Variants in LGSN observed in about 807,000 individuals in gnomAD.
The protein encoded by LGSN is lengsin, lens protein with glutamine synthetase domain.
Under a neutral mutation model 19.5 loss-of-function variants are expected in LGSN, and 21 were observed. That is an observed-to-expected ratio of 1.07 (90% confidence interval 0.76 to 1.55). The LOEUF is 1.55. LGSN is among the 40% of genes most tolerant of loss of function. The pLI, the probability that LGSN is intolerant of heterozygous loss-of-function variation, is 0.00. For missense variants in LGSN, 673 were observed against 608.5 expected (o/e 1.11, Z -1.12); for synonymous variants, 257 against 215.6 (o/e 1.19, Z -1.68).
At chr6:63,484,938 A>C in the LGSN span, among the ~76,000 whole-genome samples, 3 of 152,202 alleles carry the variant, frequency 2.0e-5, no homozygotes, top group African/African-American at 4.8e-5. Flanking sequence ...CTTTCTCCCC[A>C]GTGAAACCTG....
At chr6:63,294,450 C>A (rs1032100141) in intron 2 of LGSN, among the ~76,000 whole-genome samples, 1 of 152,200 alleles carries the variant, frequency 6.6e-6, no homozygotes, top group Admixed American at 6.5e-5. Context: ...CCTTAGGACA[C>A]AATGATTCCT....
chr6:63,349,239 T>C, the LGSN span, among the ~76,000 whole-genome samples: 2 of 152,228 alleles, frequency 1.3e-5, no homozygotes, highest in African/African-American at 4.8e-5. Flanking sequence ...ATCAGAACTG[T>C]GCTTTGGAAT....
At chr6:63,298,883 G>A (rs899116118) in intron 1 of LGSN, among the ~76,000 whole-genome samples, 1 of 152,108 alleles carries the variant, frequency 6.6e-6, no homozygotes, top group Non-Finnish European at 1.5e-5. Context: ...TCTTTTAAAA[G>A]CCTTTCAAAA....
the LGSN span, among the ~76,000 whole-genome samples, chr6:63,340,935 A>G: frequency 6.6e-6 from 1 of 152,012 alleles, no homozygotes; most frequent in African/African-American, 2.4e-5. Flanking sequence ...TGGTTTTTAT[A>G]GCGAAAGACT....
At chr6:63,501,443 A>G in the LGSN span, among the ~76,000 whole-genome samples, 1 of 152,246 alleles carries the variant, frequency 6.6e-6, no homozygotes, top group East Asian at 1.9e-4. Flanking sequence ...AGTGATGCAT[A>G]GAGCTATGGC....
At chr6:63,445,659 G>A in the LGSN span, among the ~76,000 whole-genome samples, 1 of 152,076 alleles carries the variant, frequency 6.6e-6, no homozygotes, top group Admixed American at 6.6e-5. Context: ...CTCATGCCTT[G>A]TATAAGAATT....
the LGSN span, among the ~76,000 whole-genome samples, chr6:63,362,426 C>T: frequency 3.9e-5 from 6 of 152,172 alleles, no homozygotes; most frequent in Non-Finnish European, 7.4e-5. Context: ...TGCAAGGGGT[C>T]GGGGAATTCC....
the LGSN span, among the ~76,000 whole-genome samples, chr6:63,489,699 CTTAT>C: frequency 6.6e-6 from 1 of 151,354 alleles, no homozygotes; most frequent in Non-Finnish European, 1.5e-5. Flanking sequence ...TATTTATTTA[CTTAT>C]TTATTTATTT....
the LGSN span, among the ~76,000 whole-genome samples, chr6:63,327,098 G>A: frequency 6.6e-6 from 1 of 152,194 alleles, no homozygotes; most frequent in Non-Finnish European, 1.5e-5. Flanking sequence ...GCTGGATAGG[G>A]GTGAAGAAGG....
the LGSN span, among the ~76,000 whole-genome samples, chr6:63,336,519 CTGTGTGTGTGTGTGTG>C: frequency 2.3e-4 from 30 of 132,106 alleles, 1 homozygote; most frequent in African/African-American, 5.7e-4. Flanking sequence ...TATAGAATAT[CTGTGTGTGTGTGTGTG>C]TGTGTGTGTG....
At chr6:63,513,428 T>A in the LGSN span, among the ~76,000 whole-genome samples, 1 of 151,776 alleles carries the variant, frequency 6.6e-6, no homozygotes, top group Non-Finnish European at 1.5e-5. Context: ...TTTTTTTTTT[T>A]ATAAGGGGAG....
the LGSN span, among the ~76,000 whole-genome samples, chr6:63,462,590 G>A: frequency 1.8e-4 from 27 of 152,272 alleles, no homozygotes; most frequent in African/African-American, 6.0e-4. Context: ...AGCTGAGATC[G>A]CACCACTGCA....
the LGSN span, among the ~76,000 whole-genome samples, chr6:63,408,053 T>C: frequency 2.4e-4 from 37 of 152,302 alleles, no homozygotes; most frequent in Non-Finnish European, 5.9e-5. Context: ...TGGAAGAACA[T>C]TCCATGCTCA....
chr6:63,291,106 C>T (rs1767748718), intron 2 of LGSN, among the ~76,000 whole-genome samples: 1 of 152,180 alleles, frequency 6.6e-6, no homozygotes, highest in Admixed American at 6.5e-5. Context: ...AGGGACATGA[C>T]TCATTTACTC....
chr6:63,402,982 C>G, the LGSN span, among the ~76,000 whole-genome samples: 1 of 152,100 alleles, frequency 6.6e-6, no homozygotes, highest in African/African-American at 2.4e-5. Flanking sequence ...TTTCCTGGCT[C>G]CCCAGCCTGC....
At chr6:63,512,518 G>A in the LGSN span, among the ~76,000 whole-genome samples, 1 of 152,098 alleles carries the variant, frequency 6.6e-6, no homozygotes, top group African/African-American at 2.4e-5. Context: ...TATTTAATGG[G>A]GAATATTTTT....
At chr6:63,542,354 A>G in the LGSN span, among the ~76,000 whole-genome samples, 1 of 151,956 alleles carries the variant, frequency 6.6e-6, no homozygotes, top group African/African-American at 2.4e-5. Context: ...GTGCACCAAA[A>G]TCTCACAAAT....
chr6:63,363,800 C>G, the LGSN span, among the ~76,000 whole-genome samples: 3 of 152,110 alleles, frequency 2.0e-5, no homozygotes, highest in African/African-American at 7.2e-5. Flanking sequence ...AGGAAAACTT[C>G]CCCAACCTAG....
At chr6:63,477,064 C>T in the LGSN span, among the ~76,000 whole-genome samples, 1 of 152,120 alleles carries the variant, frequency 6.6e-6, no homozygotes, top group African/African-American at 2.4e-5. Flanking sequence ...CTAACATTTG[C>T]TCTACTGTTT....
Sources: allele counts gnomAD v4.1 joint callset (sites outside exome capture counted in the v4.1 genomes callset), GRCh38; gene constraint gnomAD v4.1.1; transcripts MANE v1.5; gene names NCBI Gene and HGNC (gene_info 2026-07-23, HGNC 2026-07-21).